SETX: variants seen among roughly 807,000 people sequenced by gnomAD.
SETX encodes the protein helicase senataxin.
A neutral mutation model predicts 227.2 loss-of-function variants in SETX; 90 were observed. The observed-to-expected ratio is 0.40, with a 90% CI of 0.33 to 0.47. The LOEUF (loss-of-function observed/expected upper bound fraction) is 0.47. Ranked by LOEUF, SETX falls within the 20% of genes least tolerant of loss-of-function variation. The pLI is 0.91. For missense variants in SETX, 3,052 were observed against 3,181.5 expected, an observed-to-expected ratio of 0.96 and a Z score of 0.98; for synonymous variants, 1,210 against 1,113.2, an observed-to-expected ratio of 1.09 and a Z score of -1.73.
At chr9:132,303,658 A>G (rs1253815310) in intron 11 of SETX, among the ~76,000 whole-genome samples, 2 of 152,154 alleles carry the variant, frequency 1.3e-5, no homozygotes, top group Admixed American at 6.5e-5. Context: ...GAACTGAAAA[A>G]TAAGGAAAAA....
In SETX at chr9:132,346,334, G is replaced by A; in HGVS notation, c.315C>T (p.Asp105=). 1 of 1,614,026 alleles carries A rather than the reference G, an allele frequency of 6.2e-7. No individual in the cohort carries two copies. The highest frequency in any genetic ancestry group is 1.3e-5 in the African/African-American group (1 of 75,042). Residue 105 remains aspartate, a synonymous_variant, in exon 4 of 26, where the codon GAC becomes GAT. Coordinates refer to ENST00000224140, the MANE Select transcript of SETX (RefSeq NM_015046.7). ...GAGGAACTCGAAGCTTATTTTCAAA[G>A]TCTTGCCCAGTGATGTCAAACAGTG... ...EMPLFDITGQ[D]FENKLRVPLL...
chr9:132,325,693 G>A (rs1160643291), intron 10 of SETX, among the ~76,000 whole-genome samples: 4 of 152,022 alleles, frequency 2.6e-5, no homozygotes, highest in Admixed American at 6.6e-5. Context: ...TTGGGAGGCC[G>A]AGGCTGGTGG....
chr9:132,311,468 T>C (rs1161348567), intron 11 of SETX, among the ~76,000 whole-genome samples: 2 of 152,134 alleles, frequency 1.3e-5, no homozygotes, highest in Non-Finnish European at 2.9e-5. Context: ...AAGACTATTA[T>C]GCAACACCCC....
chr9:132,263,822 TA>T lies in SETX; in HGVS notation c.*416del, dbSNP rs1842497294. ...CCTCCTCCCATCTTTTTTTTTTTGG[TA>T]ATATAAAGTTTGTTCTGTTGAAAAC... On this transcript the variant is annotated 3_prime_UTR_variant, in exon 26 of 26. Transcript: ENST00000224140. The T allele has an allele frequency of 5.5e-6, 1 of 180,840 alleles. No individual in the cohort carries two copies. Among genetic ancestry groups the T allele is most frequent in the South Asian group, 1.1e-4 (1 of 9,428 alleles). 11.2% of individuals were successfully genotyped at this position (180,840 alleles called of 1,614,324 possible). A position where few individuals can be genotyped will look rare whatever the true frequency, so the allele number is the denominator to read the frequency against.
At chr9:132,300,571 T>C (rs748443390) in intron 12 of SETX, 59 bp downstream of exon 12, 16 of 1,536,756 alleles carry the variant, frequency 1.0e-5, no homozygotes, top group South Asian at 7.8e-5. Context: ...AATTGAGAAG[T>C]AGATTATTAG....
At position 132,275,315 on chromosome 9, in the gene SETX, A is replaced by G. The variant is rs766132030; in HGVS notation, c.7041T>C (p.His2347=). 3.7e-6 allele frequency: 6 copies of G among 1,614,086 alleles called. No individual in the cohort carries two copies. Among genetic ancestry groups the G allele is most frequent in the Admixed American group, 1.7e-5 (1 of 60,030 alleles). ...VSFRNIGIIT[H]YKAQKTMIQK... Reference sequence around the variant, plus strand: ...GAATCATCGTCTTCTGGGCCTTGTAATGAGTTATTATGCCAATGTTTCGAA... The same window carrying G: ...GAATCATCGTCTTCTGGGCCTTGTAGTGAGTTATTATGCCAATGTTTCGAA... Residue 2347 remains histidine, a synonymous_variant, in exon 23 of 26, where the codon CAT becomes CAC. Coordinates refer to ENST00000224140, the MANE Select transcript of SETX (RefSeq NM_015046.7).
intron 11 of SETX, among the ~76,000 whole-genome samples, chr9:132,302,681 C>CAAAAAAAAAAAAAAAAAAAAAAAAA (rs57673567): frequency 1.3e-5 from 1 of 78,480 alleles, no homozygotes; most frequent in African/African-American, 3.9e-5. Flanking sequence ...AAAAAAAAAG[C>CAAAAAAAAAAAAAAAAAAAAAAAAA]AAAAAAAAAA....
In SETX at chr9:132,331,343, A is replaced by T. The variant is rs1385792993; in HGVS notation, c.944T>A (p.Phe315Tyr). ...WGQLMDPIVA[F>Y]QTIINNASYN... ...GCTTGCGTTGTTGATAATGGTTTGAAATGCCACAATAGGATCCATAAGTTG... is the reference window on the plus strand; with the variant it reads ...GCTTGCGTTGTTGATAATGGTTTGATATGCCACAATAGGATCCATAAGTTG... The change falls in exon 8 of 26, where the codon TTT (phenylalanine) becomes TAT (tyrosine). Residue 315 changes from phenylalanine to tyrosine, a missense_variant. Around this residue, in one of 10 missense-constraint regions of SETX, gnomAD observed 239 missense variants for 240.8 expected, o/e 0.99. Transcript: ENST00000224140. The T allele has an allele frequency of 1.9e-6, 3 of 1,613,950 alleles. No homozygotes were observed. The highest frequency in any genetic ancestry group is 2.5e-6 in the Non-Finnish European group (3 of 1,179,992).
intron 11 of SETX, among the ~76,000 whole-genome samples, chr9:132,308,856 AG>A (rs1261858527): frequency 6.6e-6 from 1 of 152,150 alleles, no homozygotes; most frequent in Non-Finnish European, 1.5e-5. Context: ...AAGTAGAGCA[AG>A]GTAGGAGGGG....
chr9:132,283,387 CTG>C lies in SETX; in HGVS notation c.6421_6422del (p.Gln2141GlufsTer23). ...TATGGGACTCTAAGATGATGATACT[CTG>C]TGTTTTCTGTGGGCGTCCTTGAACC... is the stretch of plus-strand genomic sequence containing the variant. Reference protein sequence around the residue: ...KEVQGRPQKTQSIIILESHII... With the variant: ...KEVQGRPQKTXSIIILESHII... On this transcript the variant is annotated frameshift_variant, in exon 19 of 26. Coordinates refer to ENST00000224140, the MANE Select transcript of SETX (RefSeq NM_015046.7). LOFTEE classifies it high-confidence loss of function. The C allele has an allele frequency of 6.2e-7, 1 of 1,614,194 alleles. No individual in the cohort carries two copies. The highest frequency in any genetic ancestry group is 8.5e-7 in the Non-Finnish European group (1 of 1,180,034).
At chr9:132,356,697 G>A (rs1030708340), upstream of SETX, among the ~76,000 whole-genome samples, 1 of 152,176 alleles carries the variant, frequency 6.6e-6, no homozygotes, top group East Asian at 1.9e-4. Flanking sequence ...CCGAGGATGA[G>A]GAGCAAGCCC....
intron 5 of SETX, among the ~76,000 whole-genome samples, chr9:132,336,824 G>T (rs1387612319): frequency 2.0e-5 from 3 of 152,192 alleles, no homozygotes; most frequent in Non-Finnish European, 4.4e-5. Context: ...AGTACTTTGG[G>T]AGGCTGAGGC....
chr9:132,295,788 C>A (rs1177973823), intron 15 of SETX, 84 bp downstream of exon 15: 7 of 1,255,820 alleles, frequency 5.6e-6, no homozygotes, highest in South Asian at 1.3e-5. Context: ...CCAGGACTGG[C>A]CTGCTCTTTC....
At chr9:132,354,743 G>A (rs1848814825) in intron 1 of SETX, among the ~76,000 whole-genome samples, 174 bp downstream of exon 1, 2 of 152,098 alleles carry the variant, frequency 1.3e-5, no homozygotes, top group South Asian at 2.1e-4. Context: ...AGCCGTCGAG[G>A]GGTGCTCCCG....
In SETX at chr9:132,298,204, G is replaced by A. The variant is rs1844783652; in HGVS notation, c.5657C>T (p.Thr1886Ile). 4 of 1,613,928 alleles carry A rather than the reference G, an allele frequency of 2.5e-6. No homozygotes were observed. Among genetic ancestry groups the A allele is most frequent in the African/African-American group, 2.7e-5 (2 of 74,884 alleles). ...AGACATGGCTTTCAACTTCCTTTGTGTAGTTACCAGAGAACTGATTACAAT... is the reference window on the plus strand; with the variant it reads ...AGACATGGCTTTCAACTTCCTTTGTATAGTTACCAGAGAACTGATTACAAT... ...NCIVISSLVTTQRKLKAMSLL... is the reference protein window; with the variant it reads ...NCIVISSLVTIQRKLKAMSLL... Residue 1886 changes from threonine (T) to isoleucine (I), a missense_variant, in exon 13 of 26, where the codon ACA (threonine) becomes ATA (isoleucine). Physicochemically the swap from Thr to Ile is moderately conservative, Grantham distance 89. Around this residue, in one of 10 missense-constraint regions of SETX, gnomAD observed 239 missense variants for 272.1 expected, o/e 0.88. Transcript: ENST00000224140.
intron 11 of SETX, among the ~76,000 whole-genome samples, 195 bp downstream of exon 11, chr9:132,311,562 G>GA (rs1845658278): frequency 6.6e-6 from 1 of 151,836 alleles, no homozygotes; most frequent in African/African-American, 2.4e-5. Flanking sequence ...ACAGAGTGGG[G>GA]AAAAAAATCA....
chr9:132,314,098 CT>C (rs111489504), intron 10 of SETX, among the ~76,000 whole-genome samples: 8 of 149,170 alleles, frequency 5.4e-5, no homozygotes, highest in Admixed American at 6.7e-5. Context: ...GCCCAGCTCA[CT>C]TTTTTTTTTG....
chr9:132,297,478 G>A (rs1457606754), intron 13 of SETX, among the ~76,000 whole-genome samples: 1 of 152,126 alleles, frequency 6.6e-6, no homozygotes, highest in Non-Finnish European at 1.5e-5. Context: ...GAAAAAGCAT[G>A]TATGCCAGGG....
At chr9:132,356,104 T>G (rs1056610021), upstream of SETX, among the ~76,000 whole-genome samples, 20 of 151,912 alleles carry the variant, frequency 1.3e-4, no homozygotes, top group Non-Finnish European at 1.5e-5. Context: ...GAGCCGTGAC[T>G]GTGCCACTAC....
Sources: allele counts gnomAD v4.1 joint callset (sites outside exome capture counted in the v4.1 genomes callset), GRCh38; gene constraint gnomAD v4.1.1; regional missense constraint gnomAD v4.1.1; transcripts MANE v1.5; gene names NCBI Gene and HGNC (gene_info 2026-07-23, HGNC 2026-07-21).